The following PIERCE2 variants were observed in gnomAD, a reference collection of about 807,000 sequenced individuals.
PIERCE2 encodes the protein piercer of microtubule wall 2 protein.
At chr15:55,414,046 C>A in the PIERCE2 span, among the ~76,000 whole-genome samples, 195 of 145,676 alleles carry the variant, frequency 1.3e-3, 2 homozygotes, top group African/African-American at 4.7e-3. Flanking sequence ...TACAGGCGCC[C>A]GCCACCACGC....
the PIERCE2 span, chr15:55,418,768 T>C: frequency 3.6e-5 from 17 of 472,234 alleles, no homozygotes; most frequent in Non-Finnish European, 6.2e-5. Flanking sequence ...AAATAAAAGG[T>C]AGAAAGTGTT....
the PIERCE2 span, chr15:55,410,672 A>T: frequency 6.6e-6 from 1 of 152,244 alleles, no homozygotes; most frequent in South Asian, 2.1e-4. Context: ...AATAAAAAAG[A>T]GTTCTCAGTG....
chr15:55,410,981 G>C, the PIERCE2 span: 2 of 152,212 alleles, frequency 1.3e-5, no homozygotes, highest in African/African-American at 4.8e-5. Context: ...TAAACAGCAA[G>C]ATCTGATGAG....
chr15:55,411,924 A>G, the PIERCE2 span, among the ~76,000 whole-genome samples: 27,006 of 102,374 alleles, frequency 0.26, 4,192 homozygotes, highest in African/African-American at 0.46. Flanking sequence ...TCCTTCTCAC[A>G]AAAAAAAATA....
chr15:55,410,330 C>G, the PIERCE2 span, among the ~76,000 whole-genome samples: 4 of 152,158 alleles, frequency 2.6e-5, no homozygotes, highest in African/African-American at 4.8e-5. Flanking sequence ...TAAAGAGGGT[C>G]ATTTGATAAC....
chr15:55,418,636 T>C, the PIERCE2 span: 4 of 1,060,948 alleles, frequency 3.8e-6, no homozygotes, highest in Admixed American at 9.8e-5. Context: ...AATCTAAGGG[T>C]AGAATACCTA....
the PIERCE2 span, among the ~76,000 whole-genome samples, chr15:55,412,784 AAAG>A: frequency 6.6e-6 from 1 of 152,062 alleles, no homozygotes; most frequent in Non-Finnish European, 1.5e-5. Flanking sequence ...GTCTCAAAAA[AAAG>A]AAAAAGTTGA....
chr15:55,409,582 A>G, the PIERCE2 span, among the ~76,000 whole-genome samples: 2 of 152,218 alleles, frequency 1.3e-5, no homozygotes, highest in Non-Finnish European at 2.9e-5. Flanking sequence ...GAGTGCCTCA[A>G]AATTAGACCT....
the PIERCE2 span, chr15:55,418,540 T>C: frequency 6.7e-7 from 1 of 1,498,926 alleles, no homozygotes; most frequent in Non-Finnish European, 8.9e-7. Flanking sequence ...CCAGAACTCT[T>C]GATTTTCCTA....
At chr15:55,417,890 G>A in the PIERCE2 span, 1 of 427,222 alleles carries the variant, frequency 2.3e-6, no homozygotes, top group Non-Finnish European at 4.2e-6. Flanking sequence ...AGTCAAAGGG[G>A]GTTATTCTGT....
chr15:55,417,054 C>T, the PIERCE2 span, among the ~76,000 whole-genome samples: 3 of 152,106 alleles, frequency 2.0e-5, no homozygotes, highest in East Asian at 1.9e-4. Flanking sequence ...CTCACATGGA[C>T]TACTGCAGCT....
the PIERCE2 span, among the ~76,000 whole-genome samples, chr15:55,414,650 G>T: frequency 1.3e-5 from 2 of 150,450 alleles, no homozygotes; most frequent in Admixed American, 6.6e-5. Context: ...AGGTTGAGGC[G>T]GGTGGATCAC....
At chr15:55,418,280 C>T in the PIERCE2 span, 22 of 1,551,966 alleles carry the variant, frequency 1.4e-5, no homozygotes, top group Admixed American at 4.1e-4. Flanking sequence ...TGAACAACTG[C>T]CTCCTTGTGT....
chr15:55,413,741 CAA>C, the PIERCE2 span, among the ~76,000 whole-genome samples: 135 of 65,786 alleles, frequency 2.1e-3, no homozygotes, highest in Admixed American at 9.2e-3. Flanking sequence ...GCCTGGGCAA[CAA>C]GAGCAAAACT....
chr15:55,414,827 G>T, the PIERCE2 span, among the ~76,000 whole-genome samples: 2 of 152,048 alleles, frequency 1.3e-5, no homozygotes, highest in African/African-American at 4.8e-5. Context: ...GCAGTGAGCC[G>T]AGATGGCGCC....
the PIERCE2 span, chr15:55,418,719 G>T: frequency 9.0e-6 from 5 of 558,206 alleles, no homozygotes; most frequent in Non-Finnish European, 1.5e-5. Context: ...ATAACTACAT[G>T]ACAGTGACTT....
the PIERCE2 span, among the ~76,000 whole-genome samples, chr15:55,415,218 G>A: frequency 1.3e-5 from 2 of 151,788 alleles, no homozygotes; most frequent in African/African-American, 4.8e-5. Flanking sequence ...CTGTAATCCC[G>A]GCACTTTGGG....
At chr15:55,415,182 G>A in the PIERCE2 span, among the ~76,000 whole-genome samples, 1 of 151,626 alleles carries the variant, frequency 6.6e-6, no homozygotes, top group Non-Finnish European at 1.5e-5. Flanking sequence ...AGAAGGAAGG[G>A]CTTGGCCGGG....
At chr15:55,410,596 C>G in the PIERCE2 span, 7,646 of 152,302 alleles carry the variant, frequency 0.05, 656 homozygotes, top group African/African-American at 0.18. Flanking sequence ...TTGCAGTGAG[C>G]CAAGATCACG....
Sources: allele counts gnomAD v4.1 joint callset (sites outside exome capture counted in the v4.1 genomes callset), GRCh38; gene constraint gnomAD v4.1.1; transcripts MANE v1.5; gene names NCBI Gene and HGNC (gene_info 2026-07-23, HGNC 2026-07-21).